The following HRH1 variants were observed in gnomAD, a reference collection of about 807,000 sequenced individuals.
The protein encoded by HRH1 is histamine H1 receptor.
In HRH1, 6 loss-of-function variants were observed where a neutral mutation model predicts 10.3. The observed-to-expected ratio is 0.58, with a 90% confidence interval of 0.32 to 1.15. The LOEUF is 1.15. Ranked by LOEUF, HRH1 falls within the 50% of genes most tolerant of loss-of-function variation. The pLI is 0.05. For missense variants in HRH1, 514 were observed against 615.3 expected (o/e 0.84, Z 1.74); for synonymous variants, 242 against 236.7 (o/e 1.02, Z -0.21).
rs1005840539 is a variant in HRH1, at chr3:11,154,647, G to C, written c.-36+93G>C. On this transcript the variant is annotated intron_variant, in intron 1 of 1. Coordinates refer to ENST00000431010, the MANE Select transcript of HRH1 (RefSeq NM_001098212.2). This position sits in a 1 kb window ranked among gnomAD's most constrained non-coding sequence, Gnocchi z 4.4. ...GGCCAGGCTGGGTTCCGGGCATCCC[G>C]GCAGGGCGGCCGGGAACCCCGGAGC... 1 of 151,922 alleles carries C rather than the reference G, an allele frequency of 6.6e-6. No homozygotes were observed. The allele number at this position is 151,922 out of a possible 1,614,324, so 9.4% of individuals were successfully genotyped here. A position where few individuals can be genotyped will look rare whatever the true frequency, so the allele number is the denominator to read the frequency against.
chr3:11,204,053 A>G (rs778960121), intron 1 of HRH1, among the ~76,000 whole-genome samples: 1 of 152,206 alleles, frequency 6.6e-6, no homozygotes, highest in Non-Finnish European at 1.5e-5. Context: ...TAGGTATCTC[A>G]TTCGTCAAAC....
intron 1 of HRH1, among the ~76,000 whole-genome samples, chr3:11,156,283 G>A (rs1240060291): frequency 6.6e-6 from 1 of 152,198 alleles, no homozygotes; most frequent in South Asian, 2.1e-4. Flanking sequence ...GACAGGTGCT[G>A]CCTGTCCATG....
At chr3:11,212,575 C>G (rs1396136780) in intron 1 of HRH1, among the ~76,000 whole-genome samples, 1 of 152,212 alleles carries the variant, frequency 6.6e-6, no homozygotes, top group African/African-American at 2.4e-5. Flanking sequence ...GCAATGGGCA[C>G]TTTTCCCCCT....
chr3:11,209,584 T>C (rs771026097), intron 1 of HRH1, among the ~76,000 whole-genome samples: 3 of 152,258 alleles, frequency 2.0e-5, no homozygotes, highest in African/African-American at 4.8e-5. Flanking sequence ...CTGCTATATA[T>C]AACAAAATGT....
chr3:11,230,255 GAAGAC>G (rs1387063914), intron 1 of HRH1, among the ~76,000 whole-genome samples: 14 of 152,190 alleles, frequency 9.2e-5, no homozygotes, highest in Admixed American at 9.2e-4. Flanking sequence ...TACTGGGCGT[GAAGAC>G]AAGAACTTTA....
At chr3:11,228,388 A>T (rs1040761685) in intron 1 of HRH1, among the ~76,000 whole-genome samples, 3 of 149,670 alleles carry the variant, frequency 2.0e-5, no homozygotes, top group Non-Finnish European at 4.5e-5. Context: ...CTCTAACAAA[A>T]TTTTTTTTTT....
At chr3:11,214,755 A>T (rs1252060637) in intron 1 of HRH1, among the ~76,000 whole-genome samples, 1 of 152,184 alleles carries the variant, frequency 6.6e-6, no homozygotes, top group East Asian at 1.9e-4. Flanking sequence ...TAACCTGAGG[A>T]GGTTGGGGAG....
At chr3:11,147,725 CTA>C (rs1553565486) in intron 1 of HRH1, among the ~76,000 whole-genome samples, 1 of 152,188 alleles carries the variant, frequency 6.6e-6, no homozygotes, top group Non-Finnish European at 1.5e-5. Flanking sequence ...GAAGCTGATA[CTA>C]TTATTATCCC....
chr3:11,236,211 G>C (rs937690499), intron 1 of HRH1, among the ~76,000 whole-genome samples: 1 of 152,338 alleles, frequency 6.6e-6, no homozygotes, highest in South Asian at 2.1e-4. Flanking sequence ...TTGGGAGACT[G>C]AGGCAAGTGG....
At chr3:11,179,873 C>T (rs1483516875) in intron 1 of HRH1, among the ~76,000 whole-genome samples, 8 of 151,440 alleles carry the variant, frequency 5.3e-5, no homozygotes, top group Non-Finnish European at 1.0e-4. Context: ...TGGGCTCAAG[C>T]AGTCCTCCCA....
chr3:11,150,752 C>T (rs984990789), upstream of HRH1, among the ~76,000 whole-genome samples: 8 of 152,218 alleles, frequency 5.3e-5, no homozygotes, highest in African/African-American at 1.9e-4. Flanking sequence ...AGGCCTTCCT[C>T]TCCCCGGGCC....
chr3:11,181,125 G>T lies in HRH1; in HGVS notation c.-36+26571G>T, dbSNP rs1329268014. 6.6e-5 allele frequency among the ~76,000 whole-genome samples: 10 copies of T among 151,958 alleles called. No individual in the cohort carries two copies. The East Asian group carries it at 1.7e-3, about 26-fold the overall frequency. On this transcript the variant is annotated intron_variant, in intron 1 of 1. Coordinates refer to ENST00000431010, the MANE Select transcript of HRH1 (RefSeq NM_001098212.2). ...TGGCAAAATCCCATCTGTACAAAAA[G>T]TACAAAAATTAGCTAGGCCTAGTGG...
At chr3:11,141,838 A>G (rs558822880) in intron 1 of HRH1, among the ~76,000 whole-genome samples, 1 of 152,362 alleles carries the variant, frequency 6.6e-6, no homozygotes, top group East Asian at 1.9e-4. Context: ...ATCCTAGATG[A>G]TGCTATGTAC....
intron 1 of HRH1, among the ~76,000 whole-genome samples, chr3:11,203,419 A>G (rs537187546): frequency 6.6e-6 from 1 of 152,314 alleles, no homozygotes; most frequent in South Asian, 2.1e-4. Context: ...ATTGTATCTA[A>G]AAAGTCATTG....
At chr3:11,254,400 G>A (rs1939732891) in intron 1 of HRH1, among the ~76,000 whole-genome samples, 2 of 152,152 alleles carry the variant, frequency 1.3e-5, no homozygotes, top group Non-Finnish European at 2.9e-5. Flanking sequence ...AACCAGATCC[G>A]GACTCTGCAC....
chr3:11,177,636 G>C (rs536921895), intron 1 of HRH1, among the ~76,000 whole-genome samples: 3 of 152,194 alleles, frequency 2.0e-5, no homozygotes, highest in Non-Finnish European at 4.4e-5. Flanking sequence ...AGCTCCTTGA[G>C]AGCAGAGACT....
chr3:11,242,036 A>G (rs1939357243), intron 1 of HRH1, among the ~76,000 whole-genome samples: 1 of 152,130 alleles, frequency 6.6e-6, no homozygotes, highest in Non-Finnish European at 1.5e-5. Flanking sequence ...AAAACGGAAC[A>G]TGGGAGGGGA....
chr3:11,178,529 C>G (rs545892022), intron 1 of HRH1, among the ~76,000 whole-genome samples: 1 of 152,184 alleles, frequency 6.6e-6, no homozygotes, highest in Non-Finnish European at 1.5e-5. Context: ...CTTTCTGCAG[C>G]GGGGTGCTGT....
intron 1 of HRH1, among the ~76,000 whole-genome samples, chr3:11,201,038 CT>C (rs1937886084): frequency 6.6e-6 from 1 of 152,174 alleles, no homozygotes; most frequent in Non-Finnish European, 1.5e-5. Context: ...AAAGATGCCC[CT>C]GCCCTCAAAA....
Sources: gnomAD v4.1 joint callset for allele counts (sites outside exome capture counted in the v4.1 genomes callset) on GRCh38, gnomAD v4.1.1 for gene constraint, Gnocchi (gnomAD v3.1) non-coding constraint, MANE v1.5 for transcripts, NCBI Gene and HGNC (gene_info 2026-07-23, HGNC 2026-07-21) for gene names.